Variants in NUTM2E observed in about 807,000 individuals in gnomAD.
NUTM2E encodes the protein family with sequence similarity 22, member E.
A neutral mutation model predicts 26.1 loss-of-function variants in NUTM2E; 3 were observed. That is an observed-to-expected ratio of 0.12 (90% CI 0.05 to 0.30). The LOEUF is 0.30. Ranked by LOEUF, NUTM2E falls within the 10% of genes least tolerant of loss-of-function variation. NUTM2E has a pLI of 1.00. For missense variants in NUTM2E, 62 were observed against 381.3 expected (o/e 0.16, Z 6.97); for synonymous variants, 13 against 157.5 (o/e 0.08, Z 6.87).
intron 1 of NUTM2E, among the ~76,000 whole-genome samples, chr10:79,828,886 A>G (rs1419177612): frequency 2.6e-5 from 4 of 151,922 alleles, no homozygotes; most frequent in Admixed American, 6.6e-5. Flanking sequence ...GAAGTTCTCA[A>G]TTAAAATTAG....
chr10:79,829,394 G>A (rs1841912830), intron 1 of NUTM2E, among the ~76,000 whole-genome samples: 1 of 151,600 alleles, frequency 6.6e-6, no homozygotes, highest in African/African-American at 2.4e-5. Context: ...ATCTTAAGTA[G>A]TAAATGGTTT....
At chr10:79,830,017 G>T (rs1472763549) in intron 1 of NUTM2E, among the ~76,000 whole-genome samples, 1 of 151,130 alleles carries the variant, frequency 6.6e-6, no homozygotes, top group Admixed American at 6.6e-5. Context: ...AGAGGACTGG[G>T]GCATACCTTT....
At chr10:79,845,326 A>C (rs1215689499) in intron 5 of NUTM2E, among the ~76,000 whole-genome samples, 4 of 113,822 alleles carry the variant, frequency 3.5e-5, no homozygotes, top group Admixed American at 3.3e-4. Flanking sequence ...GCTGAGGTCC[A>C]GTTAGCACAG....
chr10:79,838,540 G>C lies in NUTM2E; in HGVS notation c.-2496G>C, dbSNP rs1233524669. Among the ~76,000 whole-genome samples the C allele has an allele frequency of 2.7e-5, 4 of 148,980 alleles. No homozygotes were observed. The highest frequency in any genetic ancestry group is 6.7e-5 in the Admixed American group (1 of 14,926). On this transcript the variant is annotated 5_prime_UTR_variant, in exon 2 of 10. Transcript: ENST00000429984. ...GAAAGGCACGGCCGAGACACACTTT[G>C]AGGTTCCCACTGCATTGTTACACCT...
chr10:79,836,011 G>A (rs1186615618), intron 1 of NUTM2E, among the ~76,000 whole-genome samples: 1 of 151,528 alleles, frequency 6.6e-6, no homozygotes, highest in Non-Finnish European at 1.5e-5. Context: ...GATATTTCCA[G>A]AAGTCATAAG....
chr10:79,847,908 G>T, intron 6 of NUTM2E, 23 bp from the exon 7 acceptor site: 1 of 242,982 alleles, frequency 4.1e-6, no homozygotes, highest in South Asian at 2.7e-5. Context: ...TCTCAGCACA[G>T]CCTGGGCCTC....
At chr10:79,835,938 G>A (rs1841960140) in intron 1 of NUTM2E, among the ~76,000 whole-genome samples, 1 of 149,480 alleles carries the variant, frequency 6.7e-6, no homozygotes. Context: ...CTCCCCTAGT[G>A]TGTAAAAGTA....
intron 1 of NUTM2E, among the ~76,000 whole-genome samples, chr10:79,835,101 A>G (rs1366760582): frequency 1.3e-5 from 2 of 148,870 alleles, no homozygotes; most frequent in Admixed American, 6.8e-5. Flanking sequence ...TTTTATTTGC[A>G]TGGAATCTCC....
At chr10:79,833,305 C>T (rs1170549945) in intron 1 of NUTM2E, among the ~76,000 whole-genome samples, 1 of 151,502 alleles carries the variant, frequency 6.6e-6, no homozygotes, top group Non-Finnish European at 1.5e-5. Context: ...CCCTGTGCAT[C>T]AGAACATACT....
rs938296765 is a variant in NUTM2E, at chr10:79,838,839, G to C, written c.-2390G>C. Among the ~76,000 whole-genome samples, 62 of 151,422 alleles carry C rather than the reference G, an allele frequency of 4.1e-4. 1 individual carries two copies. Among genetic ancestry groups the C allele is most frequent in the African/African-American group, 9.7e-5 (4 of 41,228 alleles). On this transcript the variant is annotated 5_prime_UTR_variant, in exon 3 of 10. Transcript: ENST00000429984. ...CGTTGGGTCACCGCCCTTTGCTCTC[G>C]CGCTGCGCGTCTCCCTGCCATCAAC... is the stretch of plus-strand genomic sequence containing the variant.
chr10:79,830,262 A>ATT (rs1841918274), intron 1 of NUTM2E, among the ~76,000 whole-genome samples: 1 of 151,806 alleles, frequency 6.6e-6, no homozygotes, highest in Non-Finnish European at 1.5e-5. Flanking sequence ...AAGAATAAAA[A>ATT]AGATTCTATT....
At chr10:79,831,980 A>G (rs1589306213) in intron 1 of NUTM2E, among the ~76,000 whole-genome samples, 1 of 151,920 alleles carries the variant, frequency 6.6e-6, no homozygotes, top group Admixed American at 6.6e-5. Context: ...TTGTTTGCAC[A>G]TGGCCATTTT....
chr10:79,830,283 A>G (rs974477732), intron 1 of NUTM2E, among the ~76,000 whole-genome samples: 2 of 151,794 alleles, frequency 1.3e-5, no homozygotes, highest in Non-Finnish European at 2.9e-5. Flanking sequence ...ATGTCAAAAG[A>G]CATGCATCTG....
chr10:79,838,105 C>G (rs1413822601), intron 1 of NUTM2E, among the ~76,000 whole-genome samples: 2 of 151,320 alleles, frequency 1.3e-5, no homozygotes, highest in Admixed American at 1.3e-4. Flanking sequence ...TAGACAGAAA[C>G]CCTAGAACCC....
In NUTM2E at chr10:79,826,849, G is replaced by C. The variant is rs985225631; in HGVS notation, c.-3236G>C. 8.6e-5 allele frequency: 13 copies of C among 151,698 alleles called. No homozygotes were observed. The highest frequency in any genetic ancestry group is 3.1e-4 in the African/African-American group (13 of 41,444). The allele number at this position is 151,698 out of a possible 1,614,324, so 9.4% of individuals were successfully genotyped here. A position where few individuals can be genotyped will look rare whatever the true frequency, so the allele number is the denominator to read the frequency against. ...CCGCCCCGGAGCGATCGCAGAGCCC[G>C]TCGGGAGTCGTAGTCCCGGACGGGC... is the stretch of plus-strand genomic sequence containing the variant. On this transcript the variant is annotated 5_prime_UTR_variant, in exon 1 of 10. Coordinates refer to ENST00000429984, the MANE Select transcript of NUTM2E (RefSeq NM_001355263.2).
chr10:79,838,645 A>G (rs539434257), intron 2 of NUTM2E, among the ~76,000 whole-genome samples, 59 bp downstream of exon 2: 7 of 151,272 alleles, frequency 4.6e-5, no homozygotes, highest in South Asian at 2.1e-4. Flanking sequence ...TAGGAAAGCT[A>G]TGAACGCTTC....
chr10:79,827,960 A>T (rs1413246355), intron 1 of NUTM2E, among the ~76,000 whole-genome samples: 2 of 151,278 alleles, frequency 1.3e-5, no homozygotes, highest in Admixed American at 1.3e-4. Flanking sequence ...CGCCCGGCTA[A>T]TTTTTTGTGT....
chr10:79,830,712 AAAAG>A (rs1417193984), intron 1 of NUTM2E, among the ~76,000 whole-genome samples: 1 of 151,828 alleles, frequency 6.6e-6, no homozygotes, highest in Non-Finnish European at 1.5e-5. Flanking sequence ...AAATACAAAA[AAAAG>A]AACATTTCAC....
rs1371103163 is a variant in NUTM2E at position 79,840,671 on chromosome 10, T to C, written c.-1070T>C. On this transcript the variant is annotated 5_prime_UTR_variant, in exon 4 of 10. Transcript: ENST00000429984. ...CCGCTGTTACATTTTCCTGCAACTC[T>C]GCCTTCTTGAGTCCAAGTGTCTTCG... 6.6e-6 allele frequency among the ~76,000 whole-genome samples: 1 copy of C among 151,316 alleles called. No individual in the cohort carries two copies. Among genetic ancestry groups the C allele is most frequent in the Non-Finnish European group, 1.5e-5 (1 of 67,874 alleles).
Sources: allele counts gnomAD v4.1 joint callset (sites outside exome capture counted in the v4.1 genomes callset), GRCh38; gene constraint gnomAD v4.1.1; transcripts MANE v1.5; gene names NCBI Gene and HGNC (gene_info 2026-07-23, HGNC 2026-07-21).